CAMTA1: variants seen among roughly 807,000 people sequenced by gnomAD.
CAMTA1 encodes calmodulin binding transcription activator 1.
In CAMTA1, 27 loss-of-function variants were observed where a neutral mutation model predicts 170.9. That is an observed-to-expected ratio of 0.16 (90% CI 0.12 to 0.22). CAMTA1 has a LOEUF of 0.22. Ranked by LOEUF, CAMTA1 falls within the 10% of genes least tolerant of loss-of-function variation. CAMTA1 has a pLI of 1.00. For missense variants in CAMTA1, 1,619 were observed against 2,217.2 expected, an observed-to-expected ratio of 0.73 and a Z score of 5.42; for synonymous variants, 833 against 891.5, an observed-to-expected ratio of 0.93 and a Z score of 1.17.
Position 7,681,022 on chromosome 1 carries a change from CAGCTGGGGCGCAG to C in CAMTA1, c.2914+3290_2914+3302del, listed in dbSNP as rs2096199338. 6.6e-6 allele frequency among the ~76,000 whole-genome samples: 1 copy of C among 152,150 alleles called. No individual in the cohort carries two copies. The highest frequency in any genetic ancestry group is 6.5e-5 in the Admixed American group (1 of 15,288). On this transcript the variant is annotated intron_variant, in intron 11 of 22. Coordinates refer to ENST00000303635, the MANE Select transcript of CAMTA1 (RefSeq NM_015215.4). This position sits in a 1 kb window ranked among gnomAD's most constrained non-coding sequence, Gnocchi z 4.6. ...CAGGGACCCGACGTCCCCAAAATCT[CAGCTGGGGCGCAG>C]CCATCCTGGGAGAGACCGGGCGTGG...
chr1:6,829,727 A>G (rs981273907), intron 3 of CAMTA1, among the ~76,000 whole-genome samples: 13 of 152,122 alleles, frequency 8.5e-5, no homozygotes, highest in African/African-American at 2.9e-4. Context: ...GAAGTGGGGG[A>G]CGGGGGAGTT....
chr1:7,022,749 T>C (rs776194884), intron 3 of CAMTA1, among the ~76,000 whole-genome samples: 2 of 152,180 alleles, frequency 1.3e-5, no homozygotes, highest in African/African-American at 2.4e-5. Flanking sequence ...TCCCTGAGTC[T>C]GGGGGAAGGA....
intron 5 of CAMTA1, among the ~76,000 whole-genome samples, chr1:7,257,132 CT>C (rs1335329418): frequency 1.1e-4 from 17 of 150,924 alleles, no homozygotes; most frequent in Non-Finnish European, 2.1e-4. Flanking sequence ...GATTTTCAGT[CT>C]TCTTAAGGCT....
chr1:7,548,546 C>T (rs180800823), intron 6 of CAMTA1, among the ~76,000 whole-genome samples: 38 of 146,002 alleles, frequency 2.6e-4, no homozygotes, highest in Admixed American at 1.6e-3. Flanking sequence ...TGGAGGTGCC[C>T]GTGCAGGGTG....
chr1:7,025,892 A>C (rs1182500622), intron 3 of CAMTA1, among the ~76,000 whole-genome samples: 2 of 152,140 alleles, frequency 1.3e-5, no homozygotes, highest in Non-Finnish European at 2.9e-5. Context: ...TGAGGTGAGC[A>C]GATTGCTTGA....
At chr1:7,133,460 C>A (rs11120860) in intron 4 of CAMTA1, among the ~76,000 whole-genome samples, 34,786 of 151,920 alleles carry the variant, frequency 0.23, 4,334 homozygotes, top group Middle Eastern at 0.38. Flanking sequence ...TTTGTGTCTT[C>A]TTTTTTTTCC....
At position 6,887,838 on chromosome 1, in the gene CAMTA1, A is replaced by G; in HGVS notation, c.234+62628A>G. ...TGAATTAACTGTTCTCAAAACCCCA[A>G]ATTAATTTGAACCGAATGTTACTAA... On this transcript the variant is annotated intron_variant, in intron 3 of 22. Coordinates refer to ENST00000303635, the MANE Select transcript of CAMTA1 (RefSeq NM_015215.4). This position sits in a 1 kb window ranked among gnomAD's most constrained non-coding sequence, Gnocchi z 4.1. 1 of 1,459,330 alleles carries G rather than the reference A, an allele frequency of 6.9e-7. No homozygotes were observed. Among genetic ancestry groups the G allele is most frequent in the African/African-American group, 1.4e-5 (1 of 70,238 alleles). The allele number at this position is 1,459,330 out of a possible 1,614,324, so 90.4% of individuals were successfully genotyped here.
In CAMTA1 at chr1:7,509,994, A is replaced by AAAAC. The variant is rs1317396803; in HGVS notation, c.510+42108_510+42111dup. On this transcript the variant is annotated intron_variant, in intron 6 of 22. Transcript: ENST00000303635. ...TCTGTCACTCCCGAGTCATCCTGCA[A>AAAAC]AAACAAACAAACAAACAACAAAAAA... is the stretch of plus-strand genomic sequence containing the variant. Among the ~76,000 whole-genome samples, 3 of 144,662 alleles carry AAAAC rather than the reference A, an allele frequency of 2.1e-5. 1 individual carries two copies. Among genetic ancestry groups the AAAAC allele is most frequent in the Non-Finnish European group, 4.5e-5 (3 of 66,586 alleles). The allele number at this position is 144,662 out of a possible 152,430, so 94.9% of individuals were successfully genotyped here.
intron 4 of CAMTA1, among the ~76,000 whole-genome samples, chr1:7,241,530 T>C (rs1664852758): frequency 6.6e-6 from 1 of 152,248 alleles, no homozygotes; most frequent in Admixed American, 6.5e-5. Context: ...GGAGGACTTA[T>C]AGTCCCGGAT....
At chr1:6,910,632 T>C (rs1679495300) in intron 3 of CAMTA1, among the ~76,000 whole-genome samples, 1 of 152,234 alleles carries the variant, frequency 6.6e-6, no homozygotes, top group Non-Finnish European at 1.5e-5. Flanking sequence ...AACATGTCAC[T>C]ATCTGGGAAG....
At position 7,592,374 on chromosome 1, in the gene CAMTA1, C is replaced by A. The variant is rs533417942; in HGVS notation, c.511-48026C>A. Reference sequence around the variant, plus strand: ...CAGTGCGCCTCCCCTGCGGCACATTCGGTAGGCTGGGGGTCTGTTGGATCC... The same window carrying A: ...CAGTGCGCCTCCCCTGCGGCACATTAGGTAGGCTGGGGGTCTGTTGGATCC... On this transcript the variant is annotated intron_variant, in intron 6 of 22. Coordinates refer to ENST00000303635, the MANE Select transcript of CAMTA1 (RefSeq NM_015215.4). This position sits in a 1 kb window ranked among gnomAD's most constrained non-coding sequence, Gnocchi z 4.6. Among the ~76,000 whole-genome samples the A allele has an allele frequency of 6.6e-6, 1 of 152,192 alleles. No individual in the cohort carries two copies. Among genetic ancestry groups the A allele is most frequent in the Non-Finnish European group, 1.5e-5 (1 of 68,046 alleles).
chr1:6,846,060 C>A (rs1657985998), intron 3 of CAMTA1, among the ~76,000 whole-genome samples: 1 of 152,180 alleles, frequency 6.6e-6, no homozygotes, highest in African/African-American at 2.4e-5. Flanking sequence ...ACCATGAGAA[C>A]AATATGGGGG....
chr1:6,800,234 T>C (rs114717781), intron 1 of CAMTA1, among the ~76,000 whole-genome samples: 2,728 of 152,082 alleles, frequency 0.018, 44 homozygotes, highest in Non-Finnish European at 0.026. Context: ...AGTGAGACCT[T>C]GTCTCTACTA....
chr1:7,223,241 G>C (rs1329265674), intron 4 of CAMTA1, among the ~76,000 whole-genome samples: 2 of 145,998 alleles, frequency 1.4e-5, no homozygotes, highest in Non-Finnish European at 3.0e-5. Context: ...GTGTATGTCA[G>C]GCTAGGGTGA....
At chr1:7,655,283 TAC>T (rs144411155) in intron 7 of CAMTA1, among the ~76,000 whole-genome samples, 8,521 of 49,198 alleles carry the variant, frequency 0.17, 412 homozygotes, top group African/African-American at 0.29. Flanking sequence ...CACACCGTTA[TAC>T]ACACACACAC....
intron 5 of CAMTA1, among the ~76,000 whole-genome samples, chr1:7,361,093 G>A (rs1036217822): frequency 9.2e-5 from 14 of 152,210 alleles, no homozygotes; most frequent in South Asian, 4.1e-4. Flanking sequence ...TGGCTCTTCC[G>A]TTGCTGCCGG....
intron 5 of CAMTA1, among the ~76,000 whole-genome samples, chr1:7,408,528 G>A (rs995797219): frequency 2.6e-5 from 4 of 152,218 alleles, no homozygotes; most frequent in Non-Finnish European, 5.9e-5. Context: ...AGCCTCAGAG[G>A]AGATGTAGGG....
At position 7,486,878 on chromosome 1, in the gene CAMTA1, G is replaced by A. The variant is rs1285082582; in HGVS notation, c.510+18977G>A. 3.3e-5 allele frequency among the ~76,000 whole-genome samples: 5 copies of A among 152,202 alleles called. No individual in the cohort carries two copies. In the East Asian group the frequency reaches 5.8e-4, roughly 18 times the overall value. Reference sequence around the variant, plus strand: ...GCAACCCCCTGGATACAGAAGCGGCGGCTTCCCCAGTCTGCCCTCCCAGCA... The same window carrying A: ...GCAACCCCCTGGATACAGAAGCGGCAGCTTCCCCAGTCTGCCCTCCCAGCA... On this transcript the variant is annotated intron_variant, in intron 6 of 22. Transcript: ENST00000303635.
chr1:7,695,268 C>T (rs1328413517), intron 11 of CAMTA1, among the ~76,000 whole-genome samples: 1 of 152,158 alleles, frequency 6.6e-6, no homozygotes, highest in Non-Finnish European at 1.5e-5. Context: ...TCTTTACACC[C>T]CTCCCCTGGA....
Sources: allele counts gnomAD v4.1 joint callset (sites outside exome capture counted in the v4.1 genomes callset), GRCh38; gene constraint gnomAD v4.1.1; non-coding constraint Gnocchi (gnomAD v3.1); transcripts MANE v1.5; gene names NCBI Gene and HGNC (gene_info 2026-07-23, HGNC 2026-07-21).